The following UNC79 variants were observed in gnomAD, a reference collection of about 807,000 sequenced individuals.
UNC79 encodes the protein protein unc-79 homolog.
Under a neutral mutation model 283.1 loss-of-function variants are expected in UNC79, and 37 were observed. The ratio of observed to expected loss-of-function variants is 0.13; its 90% CI spans 0.10 to 0.17. UNC79 has a LOEUF of 0.17. Among genes scored for constraint, UNC79 ranks in the 10% least tolerant of loss-of-function variants. The pLI, the probability that UNC79 is intolerant of heterozygous loss-of-function variation, is 1.00. For missense variants in UNC79, 2,272 were observed against 3,211.1 expected (o/e 0.71, Z 7.07); for synonymous variants, 1,107 against 1,200.2 (o/e 0.92, Z 1.61).
At chr14:93,582,915 G>A (rs181445101) in intron 20 of UNC79, among the ~76,000 whole-genome samples, 247 of 152,190 alleles carry the variant, frequency 1.6e-3, no homozygotes, top group Non-Finnish European at 2.5e-3. Flanking sequence ...GTGCCTCTGG[G>A]AAAGCCTGAT....
intron 18 of UNC79, among the ~76,000 whole-genome samples, chr14:93,578,276 G>A (rs1464957623): frequency 6.6e-6 from 1 of 152,134 alleles, no homozygotes; most frequent in Non-Finnish European, 1.5e-5. Flanking sequence ...AGAATGGATT[G>A]AATTTTAGAA....
At chr14:93,365,645 A>G (rs913426638) in intron 1 of UNC79, among the ~76,000 whole-genome samples, 5 of 152,202 alleles carry the variant, frequency 3.3e-5, no homozygotes, top group Non-Finnish European at 7.3e-5. Flanking sequence ...CATCTGCGCT[A>G]AATATCAGAG....
intron 1 of UNC79, among the ~76,000 whole-genome samples, chr14:93,421,066 C>G (rs139579300): frequency 6.6e-6 from 1 of 151,428 alleles, no homozygotes; most frequent in East Asian, 1.9e-4. Context: ...AAGATCAAAC[C>G]AAACCCAAAA....
At chr14:93,672,433 T>G (rs1333639661) in intron 40 of UNC79, among the ~76,000 whole-genome samples, 1 of 152,214 alleles carries the variant, frequency 6.6e-6, no homozygotes, top group Non-Finnish European at 1.5e-5. Context: ...ATATCATATG[T>G]TCTCACTTAT....
chr14:93,707,322 A>G (rs1290575577), downstream of UNC79: 3 of 158,010 alleles, frequency 1.9e-5, no homozygotes, highest in African/African-American at 7.2e-5. Flanking sequence ...GCAATAAAAA[A>G]AACCGTCACC....
chr14:93,346,483 CA>C (rs1389836867), intron 1 of UNC79, among the ~76,000 whole-genome samples: 1 of 152,154 alleles, frequency 6.6e-6, no homozygotes, highest in African/African-American at 2.4e-5. Context: ...CCTGTCTCTA[CA>C]AAAAAATAAG....
intron 7 of UNC79, among the ~76,000 whole-genome samples, chr14:93,507,314 C>A (rs1200766133): frequency 6.6e-6 from 1 of 152,156 alleles, no homozygotes; most frequent in East Asian, 1.9e-4. Flanking sequence ...AAACAGTTTT[C>A]TAAAGTGTTT....
At chr14:93,506,369 C>T (rs1315471985) in intron 7 of UNC79, among the ~76,000 whole-genome samples, 1 of 151,978 alleles carries the variant, frequency 6.6e-6, no homozygotes, top group Non-Finnish European at 1.5e-5. Context: ...ATTACAGGCA[C>T]CTGCCACCAT....
chr14:93,460,547 A>G (rs1164895532), intron 1 of UNC79, among the ~76,000 whole-genome samples: 11 of 151,804 alleles, frequency 7.2e-5, no homozygotes, highest in Admixed American at 7.2e-4. Flanking sequence ...CACCTGGTGC[A>G]TAGTGGATGC....
intron 7 of UNC79, among the ~76,000 whole-genome samples, chr14:93,512,908 C>T (rs76783249): frequency 0.054 from 8,164 of 151,962 alleles, 228 homozygotes; most frequent in East Asian, 0.074. Flanking sequence ...TTTTCTAGTC[C>T]TTTCACATGT....
chr14:93,612,925 G>T (rs1047896978), exon 27 of UNC79: 27 of 1,614,064 alleles, frequency 1.7e-5, no homozygotes, highest in Non-Finnish European at 2.2e-5. Flanking sequence ...TGAAAGCAGC[G>T]CTGAGTCAGA....
intron 46 of UNC79, among the ~76,000 whole-genome samples, chr14:93,692,593 G>C (rs778260732): frequency 6.6e-6 from 1 of 152,154 alleles, no homozygotes; most frequent in Non-Finnish European, 1.5e-5. Flanking sequence ...ATTCCACTCA[G>C]GCCTCAAAGC....
chr14:93,406,989 T>G (rs1428802278), intron 1 of UNC79, among the ~76,000 whole-genome samples: 2 of 152,180 alleles, frequency 1.3e-5, no homozygotes, highest in Non-Finnish European at 2.9e-5. Flanking sequence ...CATTTTTTCC[T>G]TGCTTCTGGT....
chr14:93,347,455 G>A, intron 1 of UNC79: 1 of 1,385,148 alleles, frequency 7.2e-7, no homozygotes, highest in Non-Finnish European at 9.3e-7. Flanking sequence ...GGGGCGCCCC[G>A]ACGGGTGGGG....
At chr14:93,638,282 C>T (rs2068688430) in intron 32 of UNC79, among the ~76,000 whole-genome samples, 1 of 152,194 alleles carries the variant, frequency 6.6e-6, no homozygotes, top group Admixed American at 6.5e-5. Context: ...ATTTCTTTGG[C>T]AATGAATAGC....
In UNC79 at chr14:93,637,324, G is replaced by C. The variant is rs370685845; in HGVS notation, c.5800+25G>C. ...GGTTAGTTGAGTCACAGAGTCTCTG[G>C]CTGTAAAAGCTGAAGGAGACTGGAC... On this transcript the variant is annotated intron_variant, in intron 32 of 48. Coordinates refer to ENST00000555664, the Ensembl canonical transcript of UNC79. The C allele has an allele frequency of 6.2e-6, 10 of 1,611,510 alleles. No individual in the cohort carries two copies. In the African/African-American group the frequency reaches 1.3e-4, roughly 22 times the overall value.
chr14:93,439,289 C>T (rs1342170349), intron 1 of UNC79, among the ~76,000 whole-genome samples: 1 of 145,714 alleles, frequency 6.9e-6, no homozygotes, highest in Admixed American at 7.1e-5. Flanking sequence ...TTGTATTTTA[C>T]TTTAGTAGGA....
intron 1 of UNC79, among the ~76,000 whole-genome samples, chr14:93,443,448 G>T (rs2056371713): frequency 6.8e-6 from 1 of 147,030 alleles, no homozygotes. Flanking sequence ...TCTCAAGACG[G>T]ACTCTTGCTC....
chr14:93,597,489 G>T, exon 24 of UNC79: 2 of 1,614,002 alleles, frequency 1.2e-6, no homozygotes, highest in Non-Finnish European at 1.7e-6. Flanking sequence ...ACCCCGCAGT[G>T]GCTACCAGAG....
Sources: allele counts gnomAD v4.1 joint callset (sites outside exome capture counted in the v4.1 genomes callset), GRCh38; gene constraint gnomAD v4.1.1; transcripts MANE v1.5; gene names NCBI Gene and HGNC (gene_info 2026-07-23, HGNC 2026-07-21).